Variants in TECTA observed in about 807,000 individuals in gnomAD.
TECTA encodes alpha-tectorin.
A neutral mutation model predicts 216.8 loss-of-function variants in TECTA; 128 were observed. The ratio of observed to expected loss-of-function variants is 0.59; its 90% CI spans 0.51 to 0.68. The LOEUF is 0.68. Among genes scored for constraint, TECTA ranks in the 30% least tolerant of loss-of-function variants. The probability of loss-of-function intolerance (pLI) is 0.00; values close to 1 mark genes in which losing one functional copy is unlikely to be tolerated. For missense variants in TECTA, 2,551 were observed against 2,786.2 expected, an observed-to-expected ratio of 0.92 and a Z score of 1.90; for synonymous variants, 1,089 against 1,117.1, an observed-to-expected ratio of 0.97 and a Z score of 0.50.
rs779587130 is a variant in TECTA at position 121,113,090 on chromosome 11, G to A, written c.505G>A (p.Val169Ile). ...CCTGTAGGTGAACACCTTCCAGGCC[G>A]TCCTAGTGTCCGATGGCTCCTATAC... The part of the protein sequence containing the change: ...STTPVNTFQA[V>I]LVSDGSYTFT... The change falls in exon 5 of 24, where the codon GTC becomes ATC. Residue 169 changes from valine (V) to isoleucine (I), a missense_variant. Coordinates refer to ENST00000392793, the MANE Select transcript of TECTA (RefSeq NM_005422.4). This position sits in a 1 kb window ranked among gnomAD's most constrained non-coding sequence, Gnocchi z 4.2. 6.2e-6 allele frequency: 10 copies of A among 1,613,998 alleles called. No homozygotes were observed. The highest frequency in any genetic ancestry group is 3.4e-6 in the Non-Finnish European group (4 of 1,180,016).
At chr11:121,114,255 C>T (rs757351982) in intron 6 of TECTA, among the ~76,000 whole-genome samples, 5 of 152,162 alleles carry the variant, frequency 3.3e-5, no homozygotes, top group Non-Finnish European at 7.3e-5. Context: ...ATCAGCAAAA[C>T]GTGCAGGAAT....
At position 121,190,884 on chromosome 11, in the gene TECTA, A is replaced by G; in HGVS notation, c.*78A>G. 9.0e-7 allele frequency: 1 copy of G among 1,114,104 alleles called. No individual in the cohort carries two copies. The allele number at this position is 1,114,104 out of a possible 1,614,324, so 69.0% of individuals were successfully genotyped here. On this transcript the variant is annotated 3_prime_UTR_variant, in exon 24 of 24. Transcript: ENST00000392793. ...GTAGGATAAAAAGTGTGTGCCCTTA[A>G]GTCAAAACCTATTTGAAAGTGTCCA...
intron 9 of TECTA, among the ~76,000 whole-genome samples, chr11:121,128,639 A>C (rs1223496860): frequency 1.3e-5 from 2 of 152,230 alleles, no homozygotes; most frequent in Non-Finnish European, 2.9e-5. Flanking sequence ...CCTTATAAGC[A>C]GTATCACACT....
intron 20 of TECTA, among the ~76,000 whole-genome samples, chr11:121,182,832 C>G (rs1693823116): frequency 6.6e-6 from 1 of 151,814 alleles, no homozygotes. Context: ...CCCCAGATCC[C>G]TCGACAGGAT....
rs142869679 is a variant in TECTA, at chr11:121,129,777, G to A, written c.2507G>A (p.Arg836Gln). ...QYSDIGLLYI[R>Q]LSTTYFNCTG... ...TCAGACATAGGTCTATTGTACATCC[G>A]GCTGTCCACCACATACTTCAATTGC... is the stretch of plus-strand genomic sequence containing the variant. The change falls in exon 10 of 24, where the codon CGG becomes CAG. Residue 836 changes from arginine to glutamine, a missense_variant. This residue lies in a region of TECTA where 2,375 missense variants were observed against 2,563.9 expected (regional missense o/e 0.93). Coordinates refer to ENST00000392793, the MANE Select transcript of TECTA (RefSeq NM_005422.4). 4.3e-6 allele frequency: 7 copies of A among 1,614,082 alleles called. No individual in the cohort carries two copies. The highest frequency in any genetic ancestry group is 1.1e-5 in the South Asian group (1 of 91,084).
At chr11:121,174,467 C>G (rs187417856) in intron 20 of TECTA, among the ~76,000 whole-genome samples, 1 of 152,118 alleles carries the variant, frequency 6.6e-6, no homozygotes, top group Non-Finnish European at 1.5e-5. Context: ...TTTTGTCTTT[C>G]GTTCTGTTTA....
Position 121,165,360 on chromosome 11 carries a change from T to A in TECTA, c.5360T>A (p.Ile1787Asn). 6.3e-7 allele frequency: 1 copy of A among 1,598,706 alleles called. No homozygotes were observed. Among genetic ancestry groups the A allele is most frequent in the Admixed American group, 1.7e-5 (1 of 58,154 alleles). Residue 1787 changes from isoleucine to asparagine, a missense_variant, in exon 17 of 24, where the codon ATC (isoleucine) becomes AAC (asparagine). Ile to Asn is a moderately radical substitution (Grantham distance 149). Around this residue, in one of 3 missense-constraint regions of TECTA, gnomAD observed 2,375 missense variants for 2,563.9 expected, o/e 0.93. Transcript: ENST00000392793. ...AATGGCAGGGAGCTGTGTGGCTGCA[T>A]CGAGCCACCCCCCTATGGAAATAGT... ...LGNGRELCGCIEPPPYGNNSH... is the reference protein window; with the variant it reads ...LGNGRELCGCNEPPPYGNNSH...
chr11:121,116,865 C>G (rs1427806559), intron 6 of TECTA, among the ~76,000 whole-genome samples: 2 of 152,178 alleles, frequency 1.3e-5, no homozygotes, highest in Admixed American at 1.3e-4. Flanking sequence ...TGAACTAGTG[C>G]CAAGGAGTGC....
intron 6 of TECTA, among the ~76,000 whole-genome samples, chr11:121,116,665 A>G (rs547729674): frequency 6.6e-6 from 1 of 152,318 alleles, no homozygotes; most frequent in East Asian, 1.9e-4. Context: ...GGCCTGGGGT[A>G]TAGCAGGGGA....
intron 22 of TECTA, 44 bp downstream of exon 22, chr11:121,189,211 G>A (rs745444447): frequency 1.6e-5 from 25 of 1,591,626 alleles, no homozygotes; most frequent in South Asian, 1.4e-4. Flanking sequence ...TTAAAACAAC[G>A]GGATTTCAAG....
intron 14 of TECTA, among the ~76,000 whole-genome samples, 188 bp downstream of exon 14, chr11:121,158,412 T>TTGG (rs1946966484): frequency 6.6e-6 from 1 of 152,188 alleles, no homozygotes; most frequent in African/African-American, 2.4e-5. Context: ...TGGACACCAT[T>TTGG]TGGTTCTTGG....
intron 20 of TECTA, among the ~76,000 whole-genome samples, chr11:121,172,035 G>C (rs1265416555): frequency 1.3e-5 from 2 of 152,114 alleles, no homozygotes; most frequent in Admixed American, 1.3e-4. Flanking sequence ...CTGTGGGTTT[G>C]TCATATATGA....
At chr11:121,189,673 C>A in intron 22 of TECTA, 91 bp from the exon 23 acceptor site, 1 of 1,312,884 alleles carries the variant, frequency 7.6e-7, no homozygotes, top group South Asian at 1.2e-5. Context: ...CGCGCCCAGC[C>A]TGTCCTCCTC....
At chr11:121,171,437 G>C (rs1246181310) in intron 20 of TECTA, among the ~76,000 whole-genome samples, 2 of 151,940 alleles carry the variant, frequency 1.3e-5, no homozygotes, top group Non-Finnish European at 2.9e-5. Context: ...CAAATTTTAG[G>C]ATTTTTTTTC....
chr11:121,168,615 G>A (rs1222730801), intron 19 of TECTA, 62 bp from the exon 20 acceptor site: 1 of 1,613,198 alleles, frequency 6.2e-7, no homozygotes, highest in Middle Eastern at 1.7e-4. Context: ...CCTGAAAAAT[G>A]GTAGGTAATT....
intron 7 of TECTA, among the ~76,000 whole-genome samples, chr11:121,122,745 C>T (rs1329016862): frequency 6.7e-6 from 1 of 148,542 alleles, no homozygotes; most frequent in Non-Finnish European, 1.5e-5. Flanking sequence ...CCCAGCTACT[C>T]AGGAGGCTGA....
intron 4 of TECTA, among the ~76,000 whole-genome samples, chr11:121,110,918 A>G (rs73599482): frequency 0.024 from 3,669 of 152,264 alleles, 155 homozygotes; most frequent in African/African-American, 0.082. Flanking sequence ...GTAAAAAAAG[A>G]TGATGTAGTT....
At chr11:121,181,919 A>G (rs1244886432) in intron 20 of TECTA, among the ~76,000 whole-genome samples, 1 of 152,132 alleles carries the variant, frequency 6.6e-6, no homozygotes, top group Non-Finnish European at 1.5e-5. Context: ...ATGTATCTAT[A>G]GTGTTGGTTG....
chr11:121,153,746 G>A (rs1449310771), intron 13 of TECTA, among the ~76,000 whole-genome samples: 3 of 152,152 alleles, frequency 2.0e-5, no homozygotes, highest in Non-Finnish European at 4.4e-5. Flanking sequence ...AAGCATATTA[G>A]TTCACGAAAT....
Sources: allele counts gnomAD v4.1 joint callset (sites outside exome capture counted in the v4.1 genomes callset), GRCh38; gene constraint gnomAD v4.1.1; regional missense constraint gnomAD v4.1.1; non-coding constraint Gnocchi (gnomAD v3.1); transcripts MANE v1.5; gene names NCBI Gene and HGNC (gene_info 2026-07-23, HGNC 2026-07-21).